SPINDOC: variants seen among roughly 807,000 people sequenced by gnomAD.
SPINDOC encodes the protein spindlin interactor and repressor of chromatin-binding protein.
A neutral mutation model predicts 30.7 loss-of-function variants in SPINDOC; 13 were observed. The observed-to-expected ratio is 0.42, with a 90% CI of 0.28 to 0.67. The LOEUF (loss-of-function observed/expected upper bound fraction) is 0.67. Ranked by LOEUF, SPINDOC falls within the 30% of genes least tolerant of loss-of-function variation. The probability of loss-of-function intolerance (pLI) is 0.22; values close to 1 mark genes in which losing one functional copy is unlikely to be tolerated. For synonymous variants in SPINDOC, 228 were observed against 211.4 expected (o/e 1.08, Z -0.68); for missense variants, 438 against 518.0 (o/e 0.85, Z 1.50).
At chr11:63,821,166 C>A (rs2015509900) in intron 5 of SPINDOC, among the ~76,000 whole-genome samples, 1 of 152,142 alleles carries the variant, frequency 6.6e-6, no homozygotes, top group Non-Finnish European at 1.5e-5. Context: ...TTCCTGGAAG[C>A]TCTAGGGGAA....
At chr11:63,822,671 C>A in intron 5 of SPINDOC, 1 of 1,289,054 alleles carries the variant, frequency 7.8e-7, no homozygotes, top group Non-Finnish European at 1.0e-6. Context: ...TCCCTGAGAC[C>A]GAGTGTGCTG....
intron 5 of SPINDOC, among the ~76,000 whole-genome samples, chr11:63,820,696 C>A (rs1397754178): frequency 6.6e-6 from 1 of 151,200 alleles, no homozygotes; most frequent in Non-Finnish European, 1.5e-5. Flanking sequence ...TCGAGACCAT[C>A]CTGGCTAACA....
chr11:63,822,799 C>G, intron 5 of SPINDOC: 1 of 1,289,126 alleles, frequency 7.8e-7, no homozygotes, highest in Non-Finnish European at 1.0e-6. Flanking sequence ...AGGGAGCCCT[C>G]ATTTCAAGTC....
intron 1 of SPINDOC, among the ~76,000 whole-genome samples, chr11:63,815,192 T>G (rs2015307181): frequency 6.6e-6 from 1 of 151,930 alleles, no homozygotes; most frequent in Admixed American, 6.6e-5. Flanking sequence ...TCAGAAAGGG[T>G]TTTCTAATAA....
intron 1 of SPINDOC, among the ~76,000 whole-genome samples, chr11:63,816,850 A>C (rs2015353907): frequency 6.6e-6 from 1 of 152,160 alleles, no homozygotes; most frequent in African/African-American, 2.4e-5. Flanking sequence ...AGCACTGAGA[A>C]GGGAGGCGAG....
chr11:63,821,704 A>G (rs1261693241), intron 5 of SPINDOC, among the ~76,000 whole-genome samples: 7 of 152,340 alleles, frequency 4.6e-5, no homozygotes, highest in Middle Eastern at 3.4e-3. Context: ...ATGATGGCCA[A>G]CGAGGTGGCT....
In SPINDOC at chr11:63,819,008, C is replaced by T. The variant is rs1259202800; in HGVS notation, c.934+6C>T. The T allele has an allele frequency of 6.2e-7, 1 of 1,606,370 alleles. No individual in the cohort carries two copies. The highest frequency in any genetic ancestry group is 8.5e-7 in the Non-Finnish European group (1 of 1,175,596). On this transcript the variant is annotated splice_donor_region_variant and intron_variant, in intron 5 of 5. Coordinates refer to ENST00000294244, the MANE Select transcript of SPINDOC (RefSeq NM_138471.3). The stretch of plus-strand genomic sequence containing the variant: ...GGCGGAGAGCCCCTCTCCAGGTGAG[C>T]CCTCCTGAGAGGGAAGCACAGTAGG...
chr11:63,816,659 G>T (rs1048875059), intron 1 of SPINDOC, among the ~76,000 whole-genome samples: 1 of 152,144 alleles, frequency 6.6e-6, no homozygotes, highest in Non-Finnish European at 1.5e-5. Flanking sequence ...AGATGCAGCC[G>T]TGAAGGATCA....
At chr11:63,824,175 G>T (rs1316894484) in intron 5 of SPINDOC, among the ~76,000 whole-genome samples, 1 of 152,080 alleles carries the variant, frequency 6.6e-6, no homozygotes, top group Non-Finnish European at 1.5e-5. Flanking sequence ...CTCCCAAAGT[G>T]CTGGGATTAC....
rs972033305 is a variant in SPINDOC, at chr11:63,818,302, G to A, written c.544G>A (p.Glu182Lys). 3 of 1,614,022 alleles carry A rather than the reference G, an allele frequency of 1.9e-6. No homozygotes were observed. Among genetic ancestry groups the A allele is most frequent in the Non-Finnish European group, 2.5e-6 (3 of 1,180,012 alleles). The change falls in exon 3 of 6, where the codon GAG becomes AAG. Residue 182 changes from glutamate to lysine, a missense_variant. Physicochemically the swap from Glu to Lys is moderately conservative, Grantham distance 56. Coordinates refer to ENST00000294244, the MANE Select transcript of SPINDOC (RefSeq NM_138471.3). The surrounding 1 kb of genome is among the most constrained non-coding windows in gnomAD (Gnocchi z 5.3). ...CGAAATCGTCGTTCTCCTTGACTCT[G>A]AGGATAACCCATCCCTCCCTAAAAG... is the stretch of plus-strand genomic sequence containing the variant. ...PAEIVVLLDSEDNPSLPKRSR... is the reference protein window; with the variant it reads ...PAEIVVLLDSKDNPSLPKRSR...
At chr11:63,821,251 A>G (rs903953484) in intron 5 of SPINDOC, among the ~76,000 whole-genome samples, 1 of 152,038 alleles carries the variant, frequency 6.6e-6, no homozygotes, top group African/African-American at 2.4e-5. Context: ...TCCATCTTCA[A>G]AGCCAGCAGT....
At chr11:63,819,873 C>T (rs1404771713) in intron 5 of SPINDOC, among the ~76,000 whole-genome samples, 1 of 152,182 alleles carries the variant, frequency 6.6e-6, no homozygotes, top group Non-Finnish European at 1.5e-5. Context: ...TTCCCAGAAG[C>T]CTGATACTGA....
In SPINDOC at chr11:63,813,759, G is replaced by T; in HGVS notation, c.73G>T (p.Glu25Ter). ...VTLKCEEGED[E>*]EEAMVVAVIP... ...GCTGAAATGCGAGGAAGGGGAGGAC[G>T]AGGAGGAGGCCATGGTGGTGGCCGT... Residue 25 changes from glutamate (E) to a stop codon, truncating the protein, a stop_gained, in exon 1 of 6, where the codon GAG becomes TAG. Coordinates refer to ENST00000294244, the MANE Select transcript of SPINDOC (RefSeq NM_138471.3). LOFTEE classifies it high-confidence loss of function. 1 of 1,593,038 alleles carries T rather than the reference G, an allele frequency of 6.3e-7. No individual in the cohort carries two copies. The highest frequency in any genetic ancestry group is 8.5e-7 in the Non-Finnish European group (1 of 1,170,972).
chr11:63,819,114 G>C lies in SPINDOC; in HGVS notation c.934+112G>C. Reference sequence around the variant, plus strand: ...GCCCACAGTAGGGGTGGGTGGGGTGGGTGGGGTGGGTGGTGCTCAGGTTTC... The same window carrying C: ...GCCCACAGTAGGGGTGGGTGGGGTGCGTGGGGTGGGTGGTGCTCAGGTTTC... On this transcript the variant is annotated intron_variant, in intron 5 of 5. Coordinates refer to ENST00000294244, the MANE Select transcript of SPINDOC (RefSeq NM_138471.3). The C allele has an allele frequency of 3.8e-6, 2 of 529,988 alleles. 1 individual carries two copies. Among genetic ancestry groups the C allele is most frequent in the Non-Finnish European group, 6.7e-6 (2 of 297,672 alleles). The allele number at this position is 529,988 out of a possible 1,614,324, so 32.8% of individuals were successfully genotyped here.
chr11:63,826,932 C>T lies in SPINDOC; in HGVS notation c.939C>T (p.Pro313=). The stretch of plus-strand genomic sequence containing the variant: ...TCTGCTCTCATCCCTGCCCAGCTCC[C>T]CCTCCGGGGCTCCGCGGGACACTGG... ...LPRAESPSPA[P]PPGLRGTLDL... The change falls in exon 6 of 6, where the codon CCC becomes CCT. Residue 313 remains proline (P), a synonymous_variant. Transcript: ENST00000294244. 1.3e-6 allele frequency: 2 copies of T among 1,513,842 alleles called. No homozygotes were observed. The highest frequency in any genetic ancestry group is 1.8e-6 in the Non-Finnish European group (2 of 1,091,064). 93.8% of individuals were successfully genotyped at this position (1,513,842 alleles called of 1,614,324 possible).
rs200714650 is a variant in SPINDOC at position 63,817,927 on chromosome 11, G to A, written c.250G>A (p.Gly84Arg). The A allele has an allele frequency of 6.2e-7, 1 of 1,614,130 alleles. No homozygotes were observed. The highest frequency in any genetic ancestry group is 2.2e-5 in the East Asian group (1 of 44,882). The change falls in exon 2 of 6, where the codon GGA (glycine) becomes AGA (arginine). Residue 84 changes from glycine (G) to arginine (R), a missense_variant. Physicochemically the swap from Gly to Arg is moderately radical, Grantham distance 125. Coordinates refer to ENST00000294244, the MANE Select transcript of SPINDOC (RefSeq NM_138471.3). ...EQEFLVGSSPGGSGRALCMVC... is the reference protein window; with the variant it reads ...EQEFLVGSSPRGSGRALCMVC... ...GGAGTTCCTGGTGGGCAGCAGCCCA[G>A]GAGGCAGCGGGCGGGCACTGTGCAT...
chr11:63,815,635 A>G (rs748570632), intron 1 of SPINDOC, among the ~76,000 whole-genome samples: 3 of 152,068 alleles, frequency 2.0e-5, no homozygotes, highest in Non-Finnish European at 4.4e-5. Context: ...GTCCTGGGAA[A>G]CTCCAGTGAT....
intron 5 of SPINDOC, chr11:63,823,059 A>T: frequency 8.9e-7 from 1 of 1,126,674 alleles, no homozygotes; most frequent in Non-Finnish European, 1.2e-6. Context: ...GTGTTCCTGG[A>T]GCCTGTGCCC....
intron 5 of SPINDOC, among the ~76,000 whole-genome samples, chr11:63,823,856 C>T (rs2015590455): frequency 6.6e-6 from 1 of 151,892 alleles, no homozygotes; most frequent in Non-Finnish European, 1.5e-5. Flanking sequence ...CCTCAACCTC[C>T]CAAAATGCTG....
Sources: allele counts gnomAD v4.1 joint callset (sites outside exome capture counted in the v4.1 genomes callset), GRCh38; gene constraint gnomAD v4.1.1; non-coding constraint Gnocchi (gnomAD v3.1); transcripts MANE v1.5; gene names NCBI Gene and HGNC (gene_info 2026-07-23, HGNC 2026-07-21).